KCNJ3: variants seen among roughly 807,000 people sequenced by gnomAD.
KCNJ3 encodes the protein potassium inwardly rectifying channel subfamily J member 3, also known as G protein-activated inward rectifier potassium channel 1.
KCNJ3 carries 4 observed loss-of-function variants against 39.2 expected under a neutral mutation model. The observed-to-expected ratio is 0.10, with a 90% CI of 0.05 to 0.23. The LOEUF (loss-of-function observed/expected upper bound fraction) is 0.23, where lower values mean the gene tolerates loss of function less well. KCNJ3 is among the 10% of genes least tolerant of loss of function. The probability of loss-of-function intolerance (pLI) is 1.00; values close to 1 mark genes in which losing one functional copy is unlikely to be tolerated. For missense variants in KCNJ3, 276 were observed against 634.9 expected (o/e 0.43, Z 6.08); for synonymous variants, 230 against 237.4 (o/e 0.97, Z 0.29).
intron 2 of KCNJ3, among the ~76,000 whole-genome samples, chr2:154,748,471 C>T (rs16838068): frequency 0.054 from 8,153 of 152,066 alleles, 447 homozygotes; most frequent in African/African-American, 0.14. Context: ...TCCTTTCAAA[C>T]TGCTATGGAG....
chr2:154,844,974 C>A (rs190811379), intron 2 of KCNJ3, among the ~76,000 whole-genome samples: 179 of 152,234 alleles, frequency 1.2e-3, no homozygotes, highest in African/African-American at 4.0e-3. Flanking sequence ...CCAACCAGTC[C>A]CAATGAGATG....
At chr2:154,798,118 AC>A (rs1686751772) in intron 2 of KCNJ3, among the ~76,000 whole-genome samples, 1 of 151,490 alleles carries the variant, frequency 6.6e-6, no homozygotes. Flanking sequence ...CCCCACACAT[AC>A]CATGCACATA....
intron 2 of KCNJ3, among the ~76,000 whole-genome samples, chr2:154,819,087 A>G (rs1687128344): frequency 2.6e-5 from 4 of 151,908 alleles, no homozygotes; most frequent in Admixed American, 6.6e-5. Context: ...GCTGGAGCCT[A>G]AGAGTTCGAG....
At chr2:154,724,936 T>TATATATATATATATATATAC (rs1450435626) in intron 2 of KCNJ3, among the ~76,000 whole-genome samples, 33 of 147,094 alleles carry the variant, frequency 2.2e-4, no homozygotes, top group Non-Finnish European at 2.4e-4. Context: ...TATATATATA[T>TATATATATATATATATATAC]ACCTTTGATG....
chr2:154,847,449 A>G (rs543421160), intron 2 of KCNJ3, among the ~76,000 whole-genome samples: 1 of 152,286 alleles, frequency 6.6e-6, no homozygotes, highest in South Asian at 2.1e-4. Flanking sequence ...TGGACTAGGA[A>G]GTTACTTGGT....
intron 2 of KCNJ3, among the ~76,000 whole-genome samples, chr2:154,823,311 AG>A (rs1197431499): frequency 6.6e-6 from 1 of 152,054 alleles, no homozygotes; most frequent in Non-Finnish European, 1.5e-5. Context: ...GAGAATTAGA[AG>A]GGCAGAAGGA....
intron 2 of KCNJ3, among the ~76,000 whole-genome samples, chr2:154,755,099 T>C (rs1685913706): frequency 6.6e-6 from 1 of 152,124 alleles, no homozygotes; most frequent in South Asian, 2.1e-4. Flanking sequence ...TTTTCATTAC[T>C]GTAATTGGAA....
At chr2:154,801,170 T>C (rs1040782818) in intron 2 of KCNJ3, among the ~76,000 whole-genome samples, 5 of 152,198 alleles carry the variant, frequency 3.3e-5, no homozygotes, top group Non-Finnish European at 7.3e-5. Context: ...CTTACCTTAA[T>C]TTCTCTGGTC....
intron 2 of KCNJ3, among the ~76,000 whole-genome samples, chr2:154,752,604 T>C (rs1022202636): frequency 1.3e-5 from 2 of 152,028 alleles, no homozygotes; most frequent in African/African-American, 4.8e-5. Context: ...AATCACTAAG[T>C]TTTCCTATTT....
intron 2 of KCNJ3, among the ~76,000 whole-genome samples, chr2:154,762,411 A>T (rs1473330957): frequency 6.6e-6 from 1 of 152,216 alleles, no homozygotes; most frequent in Non-Finnish European, 1.5e-5. Context: ...TACCAGTTAC[A>T]CATTCATCAT....
At chr2:154,716,879 C>T (rs558416923) in intron 2 of KCNJ3, among the ~76,000 whole-genome samples, 3 of 152,270 alleles carry the variant, frequency 2.0e-5, no homozygotes, top group Admixed American at 2.0e-4. Context: ...GGAAATTAAT[C>T]AGTAAGTGTT....
chr2:154,735,226 A>C (rs1685508698), intron 2 of KCNJ3, among the ~76,000 whole-genome samples: 1 of 150,088 alleles, frequency 6.7e-6, no homozygotes, highest in South Asian at 2.1e-4. Context: ...AGCTGGGACT[A>C]CAGGGGCCCG....
intron 2 of KCNJ3, among the ~76,000 whole-genome samples, chr2:154,817,870 A>G (rs776921100): frequency 1.3e-5 from 2 of 152,144 alleles, no homozygotes; most frequent in Non-Finnish European, 2.9e-5. Context: ...CACATCCCAA[A>G]TAAGTTTTGC....
At chr2:154,838,229 G>A (rs1330300542) in intron 2 of KCNJ3, among the ~76,000 whole-genome samples, 1 of 152,206 alleles carries the variant, frequency 6.6e-6, no homozygotes, top group African/African-American at 2.4e-5. Flanking sequence ...AGAGATGGAA[G>A]AGGACATGCC....
At chr2:154,796,505 C>T (rs1686722728) in intron 2 of KCNJ3, among the ~76,000 whole-genome samples, 1 of 152,048 alleles carries the variant, frequency 6.6e-6, no homozygotes, top group Non-Finnish European at 1.5e-5. Context: ...ACCTTTTGGG[C>T]ATTACTCAGT....
chr2:154,840,819 T>G (rs1687561390), intron 2 of KCNJ3, among the ~76,000 whole-genome samples: 1 of 152,190 alleles, frequency 6.6e-6, no homozygotes, highest in Admixed American at 6.5e-5. Flanking sequence ...CTTATCAGCT[T>G]AAGGAGATTT....
intron 2 of KCNJ3, among the ~76,000 whole-genome samples, chr2:154,851,752 T>A (rs1687759927): frequency 6.6e-6 from 1 of 152,224 alleles, no homozygotes; most frequent in South Asian, 2.1e-4. Flanking sequence ...TGATTACAAG[T>A]ATTTTAATGC....
At chr2:154,815,610 A>G (rs1282753902) in intron 2 of KCNJ3, among the ~76,000 whole-genome samples, 1 of 152,200 alleles carries the variant, frequency 6.6e-6, no homozygotes, top group Non-Finnish European at 1.5e-5. Context: ...ATAGGCATAT[A>G]TGAAGTGCTC....
chr2:154,726,796 T>TACACACACACACACACAC (rs58366846), intron 2 of KCNJ3, among the ~76,000 whole-genome samples: 30 of 115,454 alleles, frequency 2.6e-4, no homozygotes, highest in African/African-American at 9.2e-4. Flanking sequence ...TTTATATACA[T>TACACACACACACACACAC]ACACACACAC....
Sources: allele counts gnomAD v4.1 joint callset (sites outside exome capture counted in the v4.1 genomes callset), GRCh38; gene constraint gnomAD v4.1.1; transcripts MANE v1.5; gene names NCBI Gene and HGNC (gene_info 2026-07-23, HGNC 2026-07-21).